The following FER1L5 variants were observed in gnomAD, a reference collection of about 807,000 sequenced individuals.
FER1L5 encodes fer-1 like family member 5.
In FER1L5, 187 loss-of-function variants were observed where a neutral mutation model predicts 279.9. The ratio of observed to expected loss-of-function variants is 0.67; its 90% CI spans 0.59 to 0.75. FER1L5 has a LOEUF of 0.75. Ranked by LOEUF, FER1L5 falls within the 30% of genes least tolerant of loss-of-function variation. FER1L5 has a pLI of 0.00. For missense variants in FER1L5, 2,091 were observed against 2,594.4 expected (o/e 0.81, Z 4.21); for synonymous variants, 921 against 989.7 (o/e 0.93, Z 1.30).
At chr2:96,699,865 C>T (rs11677391) in intron 43 of FER1L5, 67 bp from the exon 44 acceptor site, 3 of 1,592,800 alleles carry the variant, frequency 1.9e-6, no homozygotes, top group Non-Finnish European at 2.6e-6. Flanking sequence ...CGTGGTCAAC[C>T]TGCAGCTCAC....
chr2:96,659,329 C>T (rs1207999883), intron 9 of FER1L5, among the ~76,000 whole-genome samples: 7 of 73,622 alleles, frequency 9.5e-5, no homozygotes, highest in Admixed American at 1.9e-4. Context: ...TTCCTTCCTT[C>T]CTTCCTTCCT....
intron 31 of FER1L5, 134 bp downstream of exon 31, chr2:96,692,315 G>A: frequency 2.2e-6 from 2 of 922,754 alleles, no homozygotes; most frequent in Non-Finnish European, 3.4e-6. Context: ...CCCCTCACCA[G>A]CTGCAAGCCT....
chr2:96,670,816 T>G (rs1169434963), intron 18 of FER1L5, among the ~76,000 whole-genome samples: 1 of 150,554 alleles, frequency 6.6e-6, no homozygotes, highest in East Asian at 2.0e-4. Context: ...ATAAAATGCC[T>G]AATCTGTGCC....
intron 18 of FER1L5, 64 bp downstream of exon 18, chr2:96,670,311 G>C: frequency 1.3e-6 from 2 of 1,538,822 alleles, no homozygotes; most frequent in Non-Finnish European, 1.8e-6. Context: ...GATCTACTGT[G>C]GATCCCAGTT....
At chr2:96,659,400 T>TCCTTCCTTCCTTC (rs2075807000) in intron 9 of FER1L5, among the ~76,000 whole-genome samples, 1 of 6,324 alleles carries the variant, frequency 1.6e-4, no homozygotes, top group Non-Finnish European at 2.4e-4. Flanking sequence ...TTTCTTTCTT[T>TCCTTCCTTCCTTC]CTTTCTTTCT....
In FER1L5 at chr2:96,684,449, C is replaced by T; in HGVS notation, c.1792C>T (p.Leu598=). Residue 598 remains leucine (L), a splice_region_variant and synonymous_variant, in exon 20 of 53, where the codon CTG becomes TTG. Transcript: ENST00000624922. ...LNLLHFTRDR[L]KANLDTLKST... ...CCTCCTCCACTTCACTCGGGACCGC[C>T]TGGTGAGTGGTGCGGGAGCCGATGC... 6.4e-7 allele frequency: 1 copy of T among 1,551,308 alleles called. No homozygotes were observed. Among genetic ancestry groups the T allele is most frequent in the Non-Finnish European group, 8.7e-7 (1 of 1,146,782 alleles).
At chr2:96,649,366 T>C (rs778623923) in intron 4 of FER1L5, among the ~76,000 whole-genome samples, 54 of 152,182 alleles carry the variant, frequency 3.5e-4, no homozygotes, top group Non-Finnish European at 6.8e-4. Flanking sequence ...CATCCTTTTC[T>C]GCCACCATCA....
rs1379157156 is a variant in FER1L5, at chr2:96,704,391, A to T, written c.5949+29A>T. 6 of 1,613,118 alleles carry T rather than the reference A, an allele frequency of 3.7e-6. No individual in the cohort carries two copies. In the South Asian group the frequency reaches 6.6e-5, roughly 18 times the overall value. ...AGTGGCAGCCATGGGGGCAAGGACA[A>T]AGGTGGTCTCGGGATGACTCTGGGG... On this transcript the variant is annotated intron_variant, in intron 52 of 52. Transcript: ENST00000624922.
In FER1L5 at chr2:96,661,726, C is replaced by A; in HGVS notation, c.953C>A (p.Ala318Glu). 6.4e-7 allele frequency: 1 copy of A among 1,551,702 alleles called. No homozygotes were observed. The highest frequency in any genetic ancestry group is 8.7e-7 in the Non-Finnish European group (1 of 1,146,992). The change falls in exon 12 of 53, where the codon GCG becomes GAG. Residue 318 changes from alanine (A) to glutamate (E), a missense_variant. Transcript: ENST00000624922. ...ACCGATATTCAGATCTTCAAGTCAG[C>A]GGTAGTCCCGATCAACATGGCTTAC... ...DDTDIQIFKS[A>E]VVPINMAYLQ...
At chr2:96,676,338 T>C (rs1200792071) in intron 19 of FER1L5, among the ~76,000 whole-genome samples, 1 of 152,138 alleles carries the variant, frequency 6.6e-6, no homozygotes, top group African/African-American at 2.4e-5. Context: ...TGCCTAATTT[T>C]GTATTTTTAG....
At chr2:96,646,234 G>A (rs780312015) in intron 1 of FER1L5, among the ~76,000 whole-genome samples, 167 bp from the exon 2 acceptor site, 9 of 151,990 alleles carry the variant, frequency 5.9e-5, no homozygotes, top group Non-Finnish European at 1.2e-4. Context: ...TCCTGACCTC[G>A]TGATCTGCCT....
At chr2:96,679,324 A>G (rs2076629070) in intron 19 of FER1L5, among the ~76,000 whole-genome samples, 1 of 152,110 alleles carries the variant, frequency 6.6e-6, no homozygotes, top group Non-Finnish European at 1.5e-5. Flanking sequence ...CCCAGGTTCA[A>G]GCAATTCTCC....
intron 19 of FER1L5, among the ~76,000 whole-genome samples, chr2:96,683,052 A>C (rs1006868762): frequency 1.3e-5 from 2 of 152,196 alleles, no homozygotes; most frequent in Non-Finnish European, 2.9e-5. Flanking sequence ...CCAGAGAGCC[A>C]CACTGGAGAC....
chr2:96,699,990 G>A lies in FER1L5; in HGVS notation c.4840G>A (p.Ala1614Thr). The A allele has an allele frequency of 6.2e-7, 1 of 1,613,978 alleles. No homozygotes were observed. Among genetic ancestry groups the A allele is most frequent in the Non-Finnish European group, 8.5e-7 (1 of 1,179,900 alleles). ...MPPSYLLERY[A>T]KRKGLPPPLF... ...CCCAAGCTACCTCCTAGAACGCTAT[G>A]CCAAGCGGAAAGGGCTACCTCCGCC... Residue 1614 changes from alanine to threonine, a missense_variant, in exon 44 of 53, where the codon GCC becomes ACC. Coordinates refer to ENST00000624922, the MANE Select transcript of FER1L5 (RefSeq NM_001293083.2).
intron 14 of FER1L5, among the ~76,000 whole-genome samples, chr2:96,668,213 T>C (rs1473025453): frequency 6.6e-6 from 1 of 152,118 alleles, no homozygotes; most frequent in Non-Finnish European, 1.5e-5. Context: ...CTCAGGACCT[T>C]GCAAGGGGCC....
chr2:96,645,757 T>C (rs955080666), intron 1 of FER1L5, among the ~76,000 whole-genome samples: 6 of 151,528 alleles, frequency 4.0e-5, no homozygotes, highest in African/African-American at 1.2e-4. Context: ...GCCTGGGTGA[T>C]AGAGTGAGAC....
rs1444109432 is a variant in FER1L5 at position 96,661,785 on chromosome 2, C to T, written c.1012C>T (p.His338Tyr). The T allele has an allele frequency of 6.4e-7, 1 of 1,551,570 alleles. No homozygotes were observed. The highest frequency in any genetic ancestry group is 8.7e-7 in the Non-Finnish European group (1 of 1,146,978). Residue 338 changes from histidine (H) to tyrosine (Y), a missense_variant, in exon 12 of 53, where the codon CAC becomes TAC. His to Tyr is a moderately conservative substitution (Grantham distance 83). Coordinates refer to ENST00000624922, the MANE Select transcript of FER1L5 (RefSeq NM_001293083.2). ...CTTCATCTACTGCGCAGAGGACCTT[C>T]ACCTCAGTTAGAGTCTGGGTGCAGG... ...QLFIYCAEDL[H>Y]LKKHQSVNPQ...
chr2:96,659,481 C>CTT (rs1230852092), intron 9 of FER1L5, among the ~76,000 whole-genome samples: 1 of 31,376 alleles, frequency 3.2e-5, no homozygotes, highest in Non-Finnish European at 4.8e-5. Flanking sequence ...TTCTTTCTTT[C>CTT]TTTCTTTCTT....
chr2:96,667,923 C>T (rs894301540), intron 14 of FER1L5, among the ~76,000 whole-genome samples: 21 of 152,038 alleles, frequency 1.4e-4, no homozygotes, highest in Admixed American at 6.6e-4. Flanking sequence ...TGCAGTGGCA[C>T]GATCATGGTT....
Sources: gnomAD v4.1 joint callset for allele counts (sites outside exome capture counted in the v4.1 genomes callset) on GRCh38, gnomAD v4.1.1 for gene constraint, MANE v1.5 for transcripts, NCBI Gene and HGNC (gene_info 2026-07-23, HGNC 2026-07-21) for gene names.